Variants in FAF1 observed in about 807,000 individuals in gnomAD.
FAF1 encodes Fas associated factor 1, also known as FAS-associated factor 1.
In FAF1, 25 loss-of-function variants were observed where a neutral mutation model predicts 92.5. The ratio of observed to expected loss-of-function variants is 0.27; its 90% CI spans 0.20 to 0.38. The LOEUF is 0.38. Ranked by LOEUF, FAF1 falls within the 10% of genes least tolerant of loss-of-function variation. The pLI, the probability that FAF1 is intolerant of heterozygous loss-of-function variation, is 1.00. For missense variants in FAF1, 636 were observed against 793.3 expected (o/e 0.80, Z 2.38); for synonymous variants, 234 against 273.2 (o/e 0.86, Z 1.42).
At chr1:50,641,975 G>A (rs1163982247) in intron 8 of FAF1, among the ~76,000 whole-genome samples, 1 of 152,000 alleles carries the variant, frequency 6.6e-6, no homozygotes, top group African/African-American at 2.4e-5. Context: ...GGCCAAGACA[G>A]GTGGATAGCC....
At chr1:50,921,458 C>T (rs1444254977) in intron 1 of FAF1, among the ~76,000 whole-genome samples, 1 of 152,170 alleles carries the variant, frequency 6.6e-6, no homozygotes, top group East Asian at 1.9e-4. Context: ...TAAAATCTAT[C>T]GTCATGAAAA....
intron 1 of FAF1, among the ~76,000 whole-genome samples, chr1:50,883,767 T>G (rs995177877): frequency 6.6e-6 from 1 of 152,210 alleles, no homozygotes; most frequent in African/African-American, 2.4e-5. Context: ...AAATTTTCAG[T>G]GTTGCCTGGA....
intron 12 of FAF1, among the ~76,000 whole-genome samples, chr1:50,579,313 A>C (rs944642614): frequency 2.0e-5 from 3 of 152,138 alleles, no homozygotes; most frequent in Non-Finnish European, 4.4e-5. Flanking sequence ...TATCTTACAG[A>C]AGCTTTGGAA....
intron 16 of FAF1, 29 bp downstream of exon 16, chr1:50,491,692 T>G (rs370292772): frequency 2.5e-5 from 38 of 1,530,298 alleles, no homozygotes; most frequent in Non-Finnish European, 3.3e-5. Flanking sequence ...ATTGAGTTCT[T>G]TATCCCAGAA....
At chr1:50,613,600 A>G (rs1349437383) in intron 8 of FAF1, among the ~76,000 whole-genome samples, 1 of 152,194 alleles carries the variant, frequency 6.6e-6, no homozygotes, top group East Asian at 1.9e-4. Flanking sequence ...CAAATTTATA[A>G]TGTATATTAA....
chr1:50,466,905 G>C (rs772419144), intron 18 of FAF1, among the ~76,000 whole-genome samples: 1 of 152,168 alleles, frequency 6.6e-6, no homozygotes, highest in Admixed American at 6.5e-5. Flanking sequence ...GCCCTAGCTG[G>C]TGGAGAATGT....
intron 6 of FAF1, among the ~76,000 whole-genome samples, chr1:50,732,827 T>C (rs1658985066): frequency 6.6e-6 from 1 of 152,204 alleles, no homozygotes; most frequent in South Asian, 2.1e-4. Context: ...AAATTGCTGT[T>C]TGCTGATGTA....
chr1:50,778,322 G>A (rs1163580523), intron 4 of FAF1, among the ~76,000 whole-genome samples: 3 of 152,134 alleles, frequency 2.0e-5, no homozygotes, highest in Non-Finnish European at 4.4e-5. Context: ...TCTCTATCTG[G>A]ATCTGGGTGG....
intron 15 of FAF1, among the ~76,000 whole-genome samples, chr1:50,511,834 T>C (rs1181635838): frequency 6.6e-6 from 1 of 152,222 alleles, no homozygotes; most frequent in Non-Finnish European, 1.5e-5. Flanking sequence ...TCTTCCACAA[T>C]GGTTGAACTA....
At chr1:50,929,781 T>G (rs1206643210) in intron 1 of FAF1, among the ~76,000 whole-genome samples, 1 of 152,218 alleles carries the variant, frequency 6.6e-6, no homozygotes, top group African/African-American at 2.4e-5. Context: ...AAAGTACATC[T>G]AAAGATTTAT....
intron 1 of FAF1, among the ~76,000 whole-genome samples, chr1:50,865,747 G>A (rs1294594326): frequency 1.0e-4 from 14 of 138,236 alleles, no homozygotes. Context: ...TAAATGACGA[G>A]TTAATGGGTG....
chr1:50,489,206 T>C (rs181484271), intron 17 of FAF1, among the ~76,000 whole-genome samples: 150 of 152,368 alleles, frequency 9.8e-4, no homozygotes, highest in African/African-American at 3.4e-3. Context: ...TATCTTCTTA[T>C]AGGCAGAAAA....
intron 9 of FAF1, 75 bp downstream of exon 9, chr1:50,596,046 T>TAA: frequency 2.2e-6 from 2 of 898,932 alleles, no homozygotes; most frequent in African/African-American, 1.7e-5. Context: ...CTCTGGCAGA[T>TAA]AAAAAAAAAG....
intron 1 of FAF1, among the ~76,000 whole-genome samples, chr1:50,917,241 T>C (rs755185102): frequency 2.0e-5 from 3 of 152,148 alleles, no homozygotes; most frequent in Non-Finnish European, 4.4e-5. Context: ...AGCTGAAAGA[T>C]ACACTGCAAT....
chr1:50,830,837 T>C (rs1044822886), intron 2 of FAF1, among the ~76,000 whole-genome samples: 4 of 152,086 alleles, frequency 2.6e-5, no homozygotes, highest in African/African-American at 9.7e-5. Flanking sequence ...CTTATAAGAA[T>C]AAAGAAATTC....
chr1:50,939,439 T>A (rs1645112377), intron 1 of FAF1, among the ~76,000 whole-genome samples: 1 of 152,244 alleles, frequency 6.6e-6, no homozygotes, highest in Non-Finnish European at 1.5e-5. Context: ...TTGCTAAAAT[T>A]GTTTAACAGT....
At chr1:50,834,340 TA>T (rs1396038527) in intron 2 of FAF1, among the ~76,000 whole-genome samples, 2 of 152,224 alleles carry the variant, frequency 1.3e-5, no homozygotes, top group Non-Finnish European at 2.9e-5. Context: ...AAGAATGGAC[TA>T]ATACACCCTT....
rs571134237 is a variant in FAF1 at position 50,600,631 on chromosome 1, T to C, written c.745-4415A>G. On this transcript the variant is annotated intron_variant, in intron 8 of 18. Coordinates refer to ENST00000396153, the MANE Select transcript of FAF1 (RefSeq NM_007051.3). The stretch of plus-strand genomic sequence containing the variant: ...AATATCTATAATTATTTGAAAAGAC[T>C]ATTAAAATACTCCTCCCTTTTCCAA... Among the ~76,000 whole-genome samples, 8 of 152,288 alleles carry C rather than the reference T, an allele frequency of 5.3e-5. No individual in the cohort carries two copies. In the East Asian group the frequency reaches 1.4e-3, roughly 26 times the overall value.
intron 1 of FAF1, among the ~76,000 whole-genome samples, chr1:50,867,593 T>C (rs555449670): frequency 3.3e-4 from 50 of 152,284 alleles, no homozygotes; most frequent in Admixed American, 1.1e-3. Flanking sequence ...TTGACATCAC[T>C]AATGATCAGG....
Sources: allele counts gnomAD v4.1 joint callset (sites outside exome capture counted in the v4.1 genomes callset), GRCh38; gene constraint gnomAD v4.1.1; transcripts MANE v1.5; gene names NCBI Gene and HGNC (gene_info 2026-07-23, HGNC 2026-07-21).